PALS2: variants seen among roughly 807,000 people sequenced by gnomAD.
PALS2 encodes protein associated with LIN7 2, MAGUK p55 family member.
A neutral mutation model predicts 61.6 loss-of-function variants in PALS2; 27 were observed. The observed-to-expected ratio is 0.44, with a 90% CI of 0.32 to 0.60. The LOEUF is 0.60. Among genes scored for constraint, PALS2 ranks in the 20% least tolerant of loss-of-function variants. PALS2 has a pLI of 0.05. For missense variants in PALS2, 554 were observed against 639.4 expected, an observed-to-expected ratio of 0.87 and a Z score of 1.44; for synonymous variants, 236 against 218.6, an observed-to-expected ratio of 1.08 and a Z score of -0.70.
chr7:24,657,199 AT>A (rs1176364849), intron 5 of PALS2, among the ~76,000 whole-genome samples: 1 of 152,198 alleles, frequency 6.6e-6, no homozygotes, highest in Non-Finnish European at 1.5e-5. Context: ...TGCTATGGAC[AT>A]TTACATGTAA....
At chr7:24,608,903 A>G (rs1475083331) in intron 1 of PALS2, among the ~76,000 whole-genome samples, 1 of 152,164 alleles carries the variant, frequency 6.6e-6, no homozygotes, top group Admixed American at 6.6e-5. Flanking sequence ...GTGAGGCAGC[A>G]TGGCCAACCT....
chr7:24,669,249 T>A (rs1018032311), intron 9 of PALS2, among the ~76,000 whole-genome samples: 6 of 152,328 alleles, frequency 3.9e-5, no homozygotes, highest in African/African-American at 1.4e-4. Context: ...CAAGCACTCA[T>A]TTTATGGTCT....
intron 5 of PALS2, among the ~76,000 whole-genome samples, chr7:24,660,956 A>G (rs1786687428): frequency 6.6e-6 from 1 of 152,222 alleles, no homozygotes; most frequent in African/African-American, 2.4e-5. Context: ...TTCTACTCTG[A>G]GTGAGGTTGT....
chr7:24,635,282 C>T (rs1027368407), intron 2 of PALS2, among the ~76,000 whole-genome samples: 7 of 152,108 alleles, frequency 4.6e-5, no homozygotes, highest in African/African-American at 1.7e-4. Context: ...GTTAGTTATA[C>T]TCCTAGGTAT....
intron 1 of PALS2, among the ~76,000 whole-genome samples, chr7:24,591,992 A>G (rs1253297550): frequency 6.6e-6 from 1 of 152,036 alleles, no homozygotes. Flanking sequence ...CAAAAAAAAA[A>G]GTGGCACAAA....
intron 9 of PALS2, among the ~76,000 whole-genome samples, chr7:24,671,652 A>G (rs1001542659): frequency 6.6e-6 from 1 of 152,186 alleles, no homozygotes; most frequent in African/African-American, 2.4e-5. Context: ...ATTTTATTTT[A>G]AGAGTTTATA....
At chr7:24,623,200 GT>G (rs375157787) in intron 1 of PALS2, among the ~76,000 whole-genome samples, 5,449 of 128,264 alleles carry the variant, frequency 0.042, 281 homozygotes, top group African/African-American at 0.13. Context: ...CTTCTCTTCC[GT>G]TTTTTTTTTT....
At chr7:24,669,406 A>G (rs183034063) in intron 9 of PALS2, among the ~76,000 whole-genome samples, 1 of 152,340 alleles carries the variant, frequency 6.6e-6, no homozygotes, top group Non-Finnish European at 1.5e-5. Flanking sequence ...CTCTGACTGT[A>G]GGGACTAATA....
chr7:24,605,555 A>G (rs1783868584), intron 1 of PALS2, among the ~76,000 whole-genome samples: 2 of 152,176 alleles, frequency 1.3e-5, no homozygotes, highest in South Asian at 4.1e-4. Context: ...CATATTTTCT[A>G]CAGATACAAA....
At chr7:24,666,948 A>T (rs1206187433) in intron 8 of PALS2, 2 of 152,200 alleles carry the variant, frequency 1.3e-5, no homozygotes, top group East Asian at 3.8e-4. Context: ...CAATTTTAAA[A>T]GTACTTTCTT....
intron 5 of PALS2, among the ~76,000 whole-genome samples, chr7:24,651,988 G>A (rs930214207): frequency 6.6e-6 from 1 of 152,146 alleles, no homozygotes; most frequent in African/African-American, 2.4e-5. Flanking sequence ...TGGTTGAAAT[G>A]AAGGTAGTTT....
intron 1 of PALS2, among the ~76,000 whole-genome samples, chr7:24,609,598 T>C (rs933239198): frequency 6.6e-6 from 1 of 152,128 alleles, no homozygotes; most frequent in African/African-American, 2.4e-5. Context: ...GTTTCCTGTT[T>C]GAAAAACCCT....
At chr7:24,632,188 A>C (rs76159568) in intron 2 of PALS2, among the ~76,000 whole-genome samples, 6,292 of 152,298 alleles carry the variant, frequency 0.041, 160 homozygotes, top group Non-Finnish European at 0.058. Flanking sequence ...TCTTATCGTT[A>C]TGTAATGCCT....
Position 24,692,372 on chromosome 7 carries a change from A to G in PALS2, c.*4758A>G, listed in dbSNP as rs972073516. 3.9e-5 allele frequency: 6 copies of G among 152,196 alleles called. No homozygotes were observed. The highest frequency in any genetic ancestry group is 5.9e-5 in the Non-Finnish European group (4 of 68,022). 9.4% of individuals were successfully genotyped at this position (152,196 alleles called of 1,614,324 possible). ...TATTTCCCTTTATCATTACTATTCT[A>G]CTTGTTAAGTAAGGCTAAGTTAATA... On this transcript the variant is annotated 3_prime_UTR_variant, in exon 12 of 12. Coordinates refer to ENST00000222644, the MANE Select transcript of PALS2 (RefSeq NM_001303037.2).
In PALS2 at chr7:24,650,499, G is replaced by A. The variant is rs760340087; in HGVS notation, c.438G>A (p.Arg146=). Residue 146 remains arginine, a synonymous_variant, in exon 5 of 12, where the codon AGG becomes AGA. Transcript: ENST00000222644. ...ATTTTTCATAGGGTGTGACATTTAG[G>A]GTTGAAAATAATGATCTGGTAATTG... is the stretch of plus-strand genomic sequence containing the variant. ...RAGEPLGVTF[R]VENNDLVIAR... 1.0e-5 allele frequency: 16 copies of A among 1,600,006 alleles called. No homozygotes were observed. The African/African-American group carries it at 1.6e-4, about 16-fold the overall frequency.
At chr7:24,586,711 A>T (rs745341467) in intron 1 of PALS2, among the ~76,000 whole-genome samples, 2 of 152,236 alleles carry the variant, frequency 1.3e-5, no homozygotes, top group Non-Finnish European at 2.9e-5. Flanking sequence ...ATTTTTTAAC[A>T]TGATTGGTGT....
intron 1 of PALS2, among the ~76,000 whole-genome samples, chr7:24,595,981 G>T (rs1783509760): frequency 2.0e-5 from 3 of 151,920 alleles, no homozygotes; most frequent in Non-Finnish European, 2.9e-5. Flanking sequence ...GAGACAAGCA[G>T]ACAAAGGGAA....
intron 9 of PALS2, among the ~76,000 whole-genome samples, chr7:24,673,634 G>A (rs944662511): frequency 4.6e-5 from 7 of 151,962 alleles, no homozygotes; most frequent in Non-Finnish European, 8.8e-5. Context: ...AGGGTTCATA[G>A]TAATGTTTTT....
chr7:24,622,683 C>CTTTTTTTTTTTTTTTTT (rs70942815), intron 1 of PALS2, among the ~76,000 whole-genome samples: 4 of 135,698 alleles, frequency 2.9e-5, no homozygotes, highest in Non-Finnish European at 6.4e-5. Context: ...TTTCTTTTTT[C>CTTTTTTTTTTTTTTTTT]TTTTTTTTTT....
Sources: gnomAD v4.1 joint callset for allele counts (sites outside exome capture counted in the v4.1 genomes callset) on GRCh38, gnomAD v4.1.1 for gene constraint, MANE v1.5 for transcripts, NCBI Gene and HGNC (gene_info 2026-07-23, HGNC 2026-07-21) for gene names.